MSTO1: variants seen among roughly 807,000 people sequenced by gnomAD.
MSTO1 encodes misato mitochondrial distribution and morphology regulator 1.
In MSTO1, 24 loss-of-function variants were observed where a neutral mutation model predicts 55.7. That is an observed-to-expected ratio of 0.43 (90% CI 0.31 to 0.61). MSTO1 has a LOEUF of 0.61. MSTO1 is among the 20% of genes least tolerant of loss of function. MSTO1 has a pLI of 0.09. For synonymous variants in MSTO1, 162 were observed against 252.8 expected (o/e 0.64, Z 3.41); for missense variants, 363 against 625.7 (o/e 0.58, Z 4.48).
chr1:155,587,686 G>T, the MSTO1 span, among the ~76,000 whole-genome samples: 1 of 150,022 alleles, frequency 6.7e-6, no homozygotes, highest in Non-Finnish European at 1.5e-5. Context: ...GGAGCTTGCA[G>T]TGAGCCGAGA....
the MSTO1 span, chr1:155,602,097 G>A: frequency 3.9e-5 from 27 of 698,202 alleles, no homozygotes; most frequent in Admixed American, 4.3e-4. Flanking sequence ...AAAAATTGCC[G>A]GGATGTTCTG....
At chr1:155,604,761 G>A in the MSTO1 span, among the ~76,000 whole-genome samples, 1 of 152,190 alleles carries the variant, frequency 6.6e-6, no homozygotes, top group South Asian at 2.1e-4. Flanking sequence ...TGTAGTCCCA[G>A]CTACTTGGGG....
the MSTO1 span, chr1:155,602,281 C>T: frequency 3.2e-6 from 1 of 317,046 alleles, no homozygotes; most frequent in Non-Finnish European, 6.3e-6. Context: ...AAGTTCGAAA[C>T]CAGCGACCAA....
At chr1:155,570,762 C>CTG in the MSTO1 span, among the ~76,000 whole-genome samples, 23 of 151,738 alleles carry the variant, frequency 1.5e-4, no homozygotes, top group South Asian at 6.2e-4. Flanking sequence ...TAGGAAAAAA[C>CTG]TGTGTGTGTG....
chr1:155,599,770 G>T, the MSTO1 span, among the ~76,000 whole-genome samples: 4 of 152,192 alleles, frequency 2.6e-5, no homozygotes, highest in Admixed American at 2.0e-4. Context: ...AGACAATAGT[G>T]GGGAGAGGGT....
chr1:155,574,893 C>T, the MSTO1 span, among the ~76,000 whole-genome samples: 1 of 129,428 alleles, frequency 7.7e-6, no homozygotes, highest in Non-Finnish European at 1.6e-5. Context: ...TTTTTTGAGA[C>T]GGAGTCTCCT....
chr1:155,592,894 A>C, the MSTO1 span, among the ~76,000 whole-genome samples: 1 of 150,524 alleles, frequency 6.6e-6, no homozygotes, highest in Non-Finnish European at 1.5e-5. Context: ...TGTATACCTA[A>C]ATTTCCTACA....
At chr1:155,590,249 C>T in the MSTO1 span, among the ~76,000 whole-genome samples, 1 of 152,184 alleles carries the variant, frequency 6.6e-6, no homozygotes, top group South Asian at 2.1e-4. Context: ...ACCCAGCCCC[C>T]AGCAGCAGCA....
the MSTO1 span, among the ~76,000 whole-genome samples, chr1:155,592,698 C>T: frequency 1.3e-5 from 2 of 152,018 alleles, no homozygotes; most frequent in East Asian, 1.9e-4. Context: ...GGATTACAGG[C>T]GCCTGCCACC....
upstream of MSTO1, among the ~76,000 whole-genome samples, chr1:155,607,627 A>C (rs894646846): frequency 2.0e-5 from 3 of 152,198 alleles, no homozygotes; most frequent in African/African-American, 7.2e-5. Context: ...CATGATCAAA[A>C]CTCTTAGCAA....
At chr1:155,584,804 G>A in the MSTO1 span, among the ~76,000 whole-genome samples, 1 of 151,470 alleles carries the variant, frequency 6.6e-6, no homozygotes, top group African/African-American at 2.4e-5. Context: ...GCAGTGGTGC[G>A]ATCATAGCTC....
the MSTO1 span, chr1:155,563,757 C>T: frequency 5.6e-6 from 2 of 359,616 alleles, no homozygotes; most frequent in Non-Finnish European, 1.1e-5. Flanking sequence ...CAACTCCAAA[C>T]ATGCCTCCAG....
chr1:155,614,406 A>G lies in MSTO1; in HGVS notation c.*133A>G. The stretch of plus-strand genomic sequence containing the variant: ...ACATATGCACTTTTTACATTTAGAA[A>G]CACTGTGATTAGACCACAGAACAAT... On this transcript the variant is annotated 3_prime_UTR_variant, in exon 14 of 14. Coordinates refer to ENST00000245564, the MANE Select transcript of MSTO1 (RefSeq NM_018116.4). 3 of 583,050 alleles carry G rather than the reference A, an allele frequency of 5.1e-6. No individual in the cohort carries two copies. The highest frequency in any genetic ancestry group is 9.2e-6 in the Non-Finnish European group (3 of 326,436). 36.1% of individuals were successfully genotyped at this position (583,050 alleles called of 1,614,324 possible). A position where few individuals can be genotyped will look rare whatever the true frequency, so the allele number is the denominator to read the frequency against.
At chr1:155,590,856 A>G in the MSTO1 span, 1 of 1,610,690 alleles carries the variant, frequency 6.2e-7, no homozygotes, top group East Asian at 2.2e-5. Context: ...CCGTCCAGCA[A>G]ACGGGGATTA....
the MSTO1 span, among the ~76,000 whole-genome samples, chr1:155,587,831 A>G: frequency 6.6e-6 from 1 of 152,062 alleles, no homozygotes; most frequent in Non-Finnish European, 1.5e-5. Context: ...ACACATAACT[A>G]AGATTGACTG....
At chr1:155,604,578 G>A in the MSTO1 span, among the ~76,000 whole-genome samples, 1 of 152,126 alleles carries the variant, frequency 6.6e-6, no homozygotes, top group Non-Finnish European at 1.5e-5. Flanking sequence ...AATTTTGTAC[G>A]TTGAAAATAC....
At chr1:155,588,621 C>T in the MSTO1 span, among the ~76,000 whole-genome samples, 1 of 152,190 alleles carries the variant, frequency 6.6e-6, no homozygotes, top group African/African-American at 2.4e-5. Flanking sequence ...GGCCTAAACA[C>T]TGTGCTCTAT....
At chr1:155,599,126 C>T in the MSTO1 span, among the ~76,000 whole-genome samples, 5 of 151,848 alleles carry the variant, frequency 3.3e-5, no homozygotes, top group East Asian at 1.9e-4. Context: ...TGCAGTGAGC[C>T]GTGATCGCAC....
chr1:155,601,787 C>T, the MSTO1 span, among the ~76,000 whole-genome samples: 1 of 152,032 alleles, frequency 6.6e-6, no homozygotes, highest in African/African-American at 2.4e-5. Flanking sequence ...CGGAGTCTCA[C>T]TCTGTCACCC....
Sources: allele counts gnomAD v4.1 joint callset (sites outside exome capture counted in the v4.1 genomes callset), GRCh38; gene constraint gnomAD v4.1.1; transcripts MANE v1.5; gene names NCBI Gene and HGNC (gene_info 2026-07-23, HGNC 2026-07-21).